The following AKR1B15 variants were observed in gnomAD, a reference collection of about 807,000 sequenced individuals.
AKR1B15 encodes the protein estradiol 17-beta-dehydrogenase AKR1B15.
AKR1B15 carries 49 observed loss-of-function variants against 38.5 expected under a neutral mutation model. The ratio of observed to expected loss-of-function variants is 1.27; its 90% CI spans 1.01 to 1.62. AKR1B15 has a LOEUF of 1.62. Ranked by LOEUF, AKR1B15 falls within the 40% of genes most tolerant of loss-of-function variation. The probability of loss-of-function intolerance (pLI) is 0.00; values close to 1 mark genes in which losing one functional copy is unlikely to be tolerated. For missense variants in AKR1B15, 411 were observed against 381.6 expected, an observed-to-expected ratio of 1.08 and a Z score of -0.64; for synonymous variants, 137 against 135.5, an observed-to-expected ratio of 1.01 and a Z score of -0.08.
intron 4 of AKR1B15, 64 bp from the exon 5 acceptor site, chr7:134,569,349 C>T: frequency 1.3e-6 from 2 of 1,579,070 alleles, no homozygotes; most frequent in Non-Finnish European, 1.7e-6. Context: ...AAAGCAGGGA[C>T]AATGAGTATA....
rs945390811 is a variant in AKR1B15 at position 134,575,406 on chromosome 7, C to T, written c.514-14C>T. On this transcript the variant is annotated splice_polypyrimidine_tract_variant and intron_variant, in intron 6 of 11. Transcript: ENST00000457545. ...CCTCTAGAGCTGCCCATAAGGTATT[C>T]CTTTCTATGATAGGCCATGGAGGAG... The T allele has an allele frequency of 6.2e-7, 1 of 1,613,484 alleles. No homozygotes were observed. Among genetic ancestry groups the T allele is most frequent in the East Asian group, 2.2e-5 (1 of 44,798 alleles).
intron 11 of AKR1B15, 119 bp from the exon 12 acceptor site, chr7:134,579,388 C>A: frequency 1.3e-6 from 1 of 798,696 alleles, no homozygotes; most frequent in Non-Finnish European, 1.9e-6. Context: ...TGTGTTCTTG[C>A]AGGGAGGAGG....
intron 1 of AKR1B15, among the ~76,000 whole-genome samples, chr7:134,551,442 T>A (rs1177882317): frequency 6.6e-6 from 1 of 152,208 alleles, no homozygotes; most frequent in African/African-American, 2.4e-5. Flanking sequence ...TGCTCCAGAC[T>A]CACCGGCCCA....
chr7:134,554,658 T>G (rs2117608380), intron 1 of AKR1B15, among the ~76,000 whole-genome samples: 1 of 152,224 alleles, frequency 6.6e-6, no homozygotes, highest in African/African-American at 2.4e-5. Flanking sequence ...AGGTGGGAAA[T>G]TGACTTTACA....
At chr7:134,567,396 C>T (rs775305666) in intron 3 of AKR1B15, among the ~76,000 whole-genome samples, 1 of 152,068 alleles carries the variant, frequency 6.6e-6, no homozygotes, top group African/African-American at 2.4e-5. Context: ...GGAAAACAAA[C>T]TCTATTCCTA....
intron 4 of AKR1B15, among the ~76,000 whole-genome samples, chr7:134,568,963 C>T (rs1287596166): frequency 6.6e-6 from 1 of 151,940 alleles, no homozygotes; most frequent in Non-Finnish European, 1.5e-5. Context: ...CTGGATAAAG[C>T]CCTTTTAAAG....
intron 1 of AKR1B15, among the ~76,000 whole-genome samples, chr7:134,552,200 T>C (rs1014046554): frequency 2.0e-5 from 3 of 152,190 alleles, no homozygotes; most frequent in Admixed American, 6.5e-5. Flanking sequence ...CTTCATAAGC[T>C]ACAGGCGTCC....
chr7:134,568,891 G>C (rs1794603891), intron 4 of AKR1B15, among the ~76,000 whole-genome samples: 1 of 150,986 alleles, frequency 6.6e-6, no homozygotes. Flanking sequence ...CACTAGTTCT[G>C]TGTACTTGGA....
chr7:134,578,316 G>A (rs1031732606), intron 11 of AKR1B15, among the ~76,000 whole-genome samples: 3 of 152,204 alleles, frequency 2.0e-5, no homozygotes, highest in African/African-American at 7.2e-5. Context: ...GGGAAGCTTT[G>A]CTGTGAGGGA....
chr7:134,555,417 A>C (rs768777653), intron 1 of AKR1B15, among the ~76,000 whole-genome samples: 2 of 152,150 alleles, frequency 1.3e-5, no homozygotes, highest in Non-Finnish European at 2.9e-5. Context: ...CGCATCAAAA[A>C]GGCCAACAAA....
At chr7:134,561,771 G>T (rs1794400336) in intron 2 of AKR1B15, among the ~76,000 whole-genome samples, 1 of 147,018 alleles carries the variant, frequency 6.8e-6, no homozygotes, top group Admixed American at 6.6e-5. Context: ...GTCACAGCAT[G>T]GCACAGGCCT....
chr7:134,551,919 C>T (rs935644377), intron 1 of AKR1B15, among the ~76,000 whole-genome samples: 9 of 152,218 alleles, frequency 5.9e-5, no homozygotes, highest in African/African-American at 1.9e-4. Context: ...GGGGCCAGGG[C>T]TCTTTGTCAC....
At chr7:134,554,848 A>C (rs1318551112) in intron 1 of AKR1B15, among the ~76,000 whole-genome samples, 1 of 152,220 alleles carries the variant, frequency 6.6e-6, no homozygotes, top group African/African-American at 2.4e-5. Context: ...ATAATGGACC[A>C]GCCTTCACCT....
chr7:134,553,612 G>A lies in AKR1B15; in HGVS notation c.-146-3124G>A, dbSNP rs58747938. Among the ~76,000 whole-genome samples, 623 of 152,334 alleles carry A rather than the reference G, an allele frequency of 4.1e-3. 2 individuals are homozygous for A. The highest frequency in any genetic ancestry group is 0.014 in the African/African-American group (595 of 41,574). Reference sequence around the variant, plus strand: ...CATGCTGTAGAGACCTTGCTACAAAGTGCTTCTGGCAAATGGATGTCGAAT... The same window carrying A: ...CATGCTGTAGAGACCTTGCTACAAAATGCTTCTGGCAAATGGATGTCGAAT... On this transcript the variant is annotated intron_variant, in intron 1 of 11. Coordinates refer to ENST00000457545, the MANE Select transcript of AKR1B15 (RefSeq NM_001080538.3).
chr7:134,566,817 A>G (rs1298160237), intron 3 of AKR1B15, among the ~76,000 whole-genome samples: 2 of 152,184 alleles, frequency 1.3e-5, no homozygotes, highest in African/African-American at 2.4e-5. Context: ...CTGGGCGAAC[A>G]GATCACTTCC....
chr7:134,569,680 T>C (rs1794624835), intron 5 of AKR1B15, 151 bp downstream of exon 5: 2 of 748,350 alleles, frequency 2.7e-6, no homozygotes, highest in East Asian at 2.7e-5. Context: ...TTAATGTTTT[T>C]ATAATTTCTT....
intron 1 of AKR1B15, among the ~76,000 whole-genome samples, chr7:134,555,963 T>C (rs1304718200): frequency 6.6e-6 from 1 of 152,212 alleles, no homozygotes; most frequent in African/African-American, 2.4e-5. Flanking sequence ...CCATAGCTTG[T>C]GCTTCCCATC....
At chr7:134,575,787 C>G in intron 7 of AKR1B15, 34 bp from the exon 8 acceptor site, 1 of 1,612,174 alleles carries the variant, frequency 6.2e-7, no homozygotes. Flanking sequence ...ACAGAGCCGG[C>G]TTTCCCCGTG....
intron 2 of AKR1B15, among the ~76,000 whole-genome samples, chr7:134,562,502 T>C (rs534897011): frequency 1.8e-4 from 28 of 152,086 alleles, no homozygotes; most frequent in Non-Finnish European, 3.5e-4. Context: ...CGCTGATTGG[T>C]CCATTATACG....
Sources: gnomAD v4.1 joint callset for allele counts (sites outside exome capture counted in the v4.1 genomes callset) on GRCh38, gnomAD v4.1.1 for gene constraint, MANE v1.5 for transcripts, NCBI Gene and HGNC (gene_info 2026-07-23, HGNC 2026-07-21) for gene names.